EPHA6: variants seen among roughly 807,000 people sequenced by gnomAD.
The protein encoded by EPHA6 is ephrin type-A receptor 6.
In EPHA6, 50 loss-of-function variants were observed where a neutral mutation model predicts 112.0. The ratio of observed to expected loss-of-function variants is 0.45; its 90% CI spans 0.36 to 0.56. The LOEUF (loss-of-function observed/expected upper bound fraction) is 0.56. Ranked by LOEUF, EPHA6 falls within the 20% of genes least tolerant of loss-of-function variation. The probability of loss-of-function intolerance (pLI) is 0.00; values close to 1 mark genes in which losing one functional copy is unlikely to be tolerated. For synonymous variants in EPHA6, 529 were observed against 490.7 expected, an observed-to-expected ratio of 1.08 and a Z score of -1.03; for missense variants, 1,280 against 1,417.4, an observed-to-expected ratio of 0.90 and a Z score of 1.56.
At chr3:97,664,564 A>G (rs574773637) in intron 14 of EPHA6, among the ~76,000 whole-genome samples, 16 of 152,332 alleles carry the variant, frequency 1.1e-4, no homozygotes, top group African/African-American at 3.6e-4. Context: ...TTGTATATCT[A>G]GAAAACCCCA....
At chr3:97,463,935 G>A (rs1254940510) in intron 7 of EPHA6, among the ~76,000 whole-genome samples, 1 of 152,126 alleles carries the variant, frequency 6.6e-6, no homozygotes, top group Non-Finnish European at 1.5e-5. Context: ...GTTAAGCAAA[G>A]AGGAATGAAG....
intron 3 of EPHA6, among the ~76,000 whole-genome samples, chr3:96,998,082 A>G (rs568519678): frequency 4.0e-5 from 6 of 148,216 alleles, no homozygotes; most frequent in Non-Finnish European, 5.9e-5. Context: ...TTAAGACTAT[A>G]TTGAAGTCAT....
intron 11 of EPHA6, 92 bp from the exon 12 acceptor site, chr3:97,592,520 T>G (rs1252780037): frequency 6.9e-7 from 1 of 1,452,366 alleles, no homozygotes; most frequent in Non-Finnish European, 9.5e-7. Flanking sequence ...AAATTTGATG[T>G]CTTTGTTGAT....
At chr3:97,239,120 C>T (rs2078766825) in intron 4 of EPHA6, among the ~76,000 whole-genome samples, 1 of 151,732 alleles carries the variant, frequency 6.6e-6, no homozygotes, top group African/African-American at 2.4e-5. Flanking sequence ...TCCGTTTTGC[C>T]ATATGGAATG....
intron 13 of EPHA6, among the ~76,000 whole-genome samples, chr3:97,619,804 A>C (rs970030401): frequency 1.3e-5 from 2 of 152,130 alleles, no homozygotes; most frequent in African/African-American, 4.8e-5. Context: ...ATGACTATGG[A>C]TAGGAAGAAT....
intron 10 of EPHA6, among the ~76,000 whole-genome samples, chr3:97,507,703 T>C (rs2092283525): frequency 6.6e-6 from 1 of 152,190 alleles, no homozygotes; most frequent in Non-Finnish European, 1.5e-5. Flanking sequence ...AGTCCCTCTT[T>C]TTTCTGTTGT....
intron 14 of EPHA6, among the ~76,000 whole-genome samples, chr3:97,670,425 C>A (rs1389629753): frequency 6.6e-6 from 1 of 152,158 alleles, no homozygotes; most frequent in Non-Finnish European, 1.5e-5. Context: ...TCAAAAAAGA[C>A]TTTGCCACTT....
chr3:97,347,556 A>G (rs1445129354), intron 5 of EPHA6, among the ~76,000 whole-genome samples: 1 of 152,128 alleles, frequency 6.6e-6, no homozygotes, highest in East Asian at 1.9e-4. Context: ...ATAATATAGT[A>G]TTTGAAAGTG....
chr3:97,241,537 G>A (rs942144725), intron 4 of EPHA6, among the ~76,000 whole-genome samples: 1 of 151,740 alleles, frequency 6.6e-6, no homozygotes, highest in African/African-American at 2.4e-5. Context: ...TAAAAGCCCA[G>A]TGACACATCA....
At chr3:97,643,389 A>G in intron 14 of EPHA6, among the ~76,000 whole-genome samples, 1 of 152,210 alleles carries the variant, frequency 6.6e-6, no homozygotes, top group Admixed American at 6.5e-5. Flanking sequence ...TCAACTAATG[A>G]GCAAAATCAC....
intron 8 of EPHA6, among the ~76,000 whole-genome samples, chr3:97,478,200 A>G (rs1049111915): frequency 2.6e-5 from 4 of 152,172 alleles, no homozygotes; most frequent in Admixed American, 6.5e-5. Flanking sequence ...ATCTTGTAGA[A>G]CATAAGTTAA....
At chr3:96,936,834 C>T (rs567733359) in intron 2 of EPHA6, among the ~76,000 whole-genome samples, 4 of 152,172 alleles carry the variant, frequency 2.6e-5, no homozygotes, top group Admixed American at 2.0e-4. Context: ...TGTTCAATTC[C>T]CACCTATGAG....
intron 14 of EPHA6, among the ~76,000 whole-genome samples, chr3:97,641,768 A>G (rs1490025721): frequency 6.6e-6 from 1 of 152,190 alleles, no homozygotes; most frequent in East Asian, 1.9e-4. Flanking sequence ...ATTATATCCC[A>G]CACCTGGCTC....
chr3:97,226,725 G>A (rs1044650760), intron 4 of EPHA6, among the ~76,000 whole-genome samples: 1 of 152,192 alleles, frequency 6.6e-6, no homozygotes, highest in African/African-American at 2.4e-5. Flanking sequence ...GTTGAAGGCT[G>A]CATGAGAAGT....
chr3:96,884,625 G>C (rs193027009), intron 2 of EPHA6, among the ~76,000 whole-genome samples: 21 of 152,260 alleles, frequency 1.4e-4, no homozygotes, highest in Middle Eastern at 3.4e-3. Context: ...CTTTCTGGAG[G>C]AGTCCTTAGG....
At chr3:97,521,997 C>A (rs561097900) in intron 10 of EPHA6, among the ~76,000 whole-genome samples, 93 of 151,842 alleles carry the variant, frequency 6.1e-4, no homozygotes, top group Admixed American at 2.6e-3. Context: ...GATCATAGCT[C>A]ACTGCAGCCT....
rs185025269 is a variant in EPHA6 at position 97,628,534 on chromosome 3, T to C, written c.2575-9339T>C. Among the ~76,000 whole-genome samples the C allele has an allele frequency of 8.8e-4, 134 of 152,096 alleles. 2 individuals carry two copies. The highest frequency in any genetic ancestry group is 8.3e-3 in the Admixed American group (126 of 15,242). On this transcript the variant is annotated intron_variant, in intron 13 of 17. Coordinates refer to ENST00000389672, the MANE Select transcript of EPHA6 (RefSeq NM_001080448.3). ...TTCCTGATCTGTTTTTTCAGGTGGC[T>C]AAAAATAGTTTCAATTTTTACCATT... is the stretch of plus-strand genomic sequence containing the variant.
chr3:97,229,341 A>G (rs745363667), intron 4 of EPHA6, among the ~76,000 whole-genome samples: 7 of 152,114 alleles, frequency 4.6e-5, no homozygotes, highest in Non-Finnish European at 5.9e-5. Flanking sequence ...TAGAATTTTT[A>G]TGGTTTCAGA....
At chr3:97,275,826 T>A (rs1330521609) in intron 5 of EPHA6, among the ~76,000 whole-genome samples, 1 of 151,504 alleles carries the variant, frequency 6.6e-6, no homozygotes, top group East Asian at 1.9e-4. Context: ...ACTGGTGGGT[T>A]AAGGTGGGGG....
Sources: gnomAD v4.1 joint callset for allele counts (sites outside exome capture counted in the v4.1 genomes callset) on GRCh38, gnomAD v4.1.1 for gene constraint, MANE v1.5 for transcripts, NCBI Gene and HGNC (gene_info 2026-07-23, HGNC 2026-07-21) for gene names.